Variants in DNM3 observed in about 807,000 individuals in gnomAD.
DNM3 encodes dynamin 3, also known as dynamin-3.
Under a neutral mutation model 101.6 loss-of-function variants are expected in DNM3, and 47 were observed. That is an observed-to-expected ratio of 0.46 (90% confidence interval 0.37 to 0.59). The LOEUF is 0.59. Among genes scored for constraint, DNM3 ranks in the 20% least tolerant of loss-of-function variants. The pLI, the probability that DNM3 is intolerant of heterozygous loss-of-function variation, is 0.00. For synonymous variants in DNM3, 385 were observed against 387.9 expected, an observed-to-expected ratio of 0.99 and a Z score of 0.09; for missense variants, 849 against 1,085.7, an observed-to-expected ratio of 0.78 and a Z score of 3.06.
chr1:172,164,657 C>T (rs527449802), intron 14 of DNM3, among the ~76,000 whole-genome samples: 18 of 152,078 alleles, frequency 1.2e-4, no homozygotes, highest in Non-Finnish European at 2.5e-4. Context: ...TCAGCCTTGA[C>T]CCTAAAGATG....
rs1228310474 is a variant in DNM3, at chr1:172,017,438, A to AT, written c.590-14956dup. ...AACTGTTTTTTAAGTTTCTCATAAG[A>AT]TTTTTTTTACCCATATGTTATTTAG... On this transcript the variant is annotated intron_variant, in intron 4 of 20. Transcript: ENST00000627582. 7.2e-5 allele frequency among the ~76,000 whole-genome samples: 11 copies of AT among 151,838 alleles called. No homozygotes were observed. In the East Asian group the frequency reaches 9.7e-4, roughly 13 times the overall value.
At chr1:172,281,857 T>C (rs2063503236) in intron 15 of DNM3, among the ~76,000 whole-genome samples, 1 of 152,212 alleles carries the variant, frequency 6.6e-6, no homozygotes. Flanking sequence ...ATTTGATCAT[T>C]ATACATTGAA....
chr1:172,233,516 G>A (rs565932940), intron 14 of DNM3, among the ~76,000 whole-genome samples: 97 of 152,276 alleles, frequency 6.4e-4, no homozygotes, highest in Non-Finnish European at 1.1e-3. Flanking sequence ...TAGAAAAAGA[G>A]GGAATCCTCC....
chr1:172,319,344 T>C (rs1285181275), intron 16 of DNM3, among the ~76,000 whole-genome samples: 2 of 152,018 alleles, frequency 1.3e-5, no homozygotes, highest in African/African-American at 2.4e-5. Flanking sequence ...ACTTCATGTC[T>C]AAAACACCAA....
intron 14 of DNM3, among the ~76,000 whole-genome samples, chr1:172,177,316 T>G (rs1572841548): frequency 6.6e-6 from 1 of 151,888 alleles, no homozygotes; most frequent in East Asian, 1.9e-4. Context: ...ATATTGTTAT[T>G]ATTGTTCTAT....
At chr1:171,974,335 GT>G (rs2044223835) in intron 2 of DNM3, among the ~76,000 whole-genome samples, 1 of 152,034 alleles carries the variant, frequency 6.6e-6, no homozygotes, top group Admixed American at 6.6e-5. Flanking sequence ...AAGTAAGATA[GT>G]TTTTTTCTCA....
At chr1:171,997,211 G>T (rs1217280144) in intron 4 of DNM3, among the ~76,000 whole-genome samples, 1 of 152,000 alleles carries the variant, frequency 6.6e-6, no homozygotes, top group Non-Finnish European at 1.5e-5. Flanking sequence ...TCAAACTACT[G>T]CCCACACCCA....
chr1:171,877,030 C>A (rs3753537), intron 1 of DNM3, among the ~76,000 whole-genome samples: 62,876 of 151,990 alleles, frequency 0.41, 13,172 homozygotes, highest in Non-Finnish European at 0.43. Context: ...TGTGGGCCCA[C>A]ATTATTTTTT....
At chr1:172,054,747 T>G (rs2050457915) in intron 10 of DNM3, among the ~76,000 whole-genome samples, 1 of 152,044 alleles carries the variant, frequency 6.6e-6, no homozygotes, top group Non-Finnish European at 1.5e-5. Context: ...TCACCTGAGA[T>G]CAGGAGTTCG....
chr1:172,340,528 C>A (rs545663410), intron 17 of DNM3, among the ~76,000 whole-genome samples: 2 of 152,284 alleles, frequency 1.3e-5, no homozygotes, highest in African/African-American at 4.8e-5. Context: ...TGATGGGTCA[C>A]TGACAAACAT....
chr1:171,936,412 T>A (rs2125391209), intron 2 of DNM3, among the ~76,000 whole-genome samples: 1 of 152,256 alleles, frequency 6.6e-6, no homozygotes, highest in Non-Finnish European at 1.5e-5. Flanking sequence ...AGTCTCTGGG[T>A]CAAGGTTAAG....
intron 14 of DNM3, among the ~76,000 whole-genome samples, chr1:172,184,865 T>C (rs1037643258): frequency 1.3e-5 from 2 of 152,116 alleles, no homozygotes; most frequent in East Asian, 3.9e-4. Flanking sequence ...TGAGATTTGA[T>C]CCCCTAGTTG....
At chr1:171,898,749 C>T (rs1234186349) in intron 1 of DNM3, among the ~76,000 whole-genome samples, 2 of 151,268 alleles carry the variant, frequency 1.3e-5, no homozygotes, top group African/African-American at 4.9e-5. Context: ...GGCTTGTTAG[C>T]TTTCTTTTTC....
At chr1:171,933,123 G>C (rs566390791) in intron 2 of DNM3, among the ~76,000 whole-genome samples, 10 of 152,242 alleles carry the variant, frequency 6.6e-5, no homozygotes, top group African/African-American at 2.2e-4. Flanking sequence ...TCAAAATGGG[G>C]TTTTTGCATT....
chr1:172,202,829 A>T (rs1374904915), intron 14 of DNM3, among the ~76,000 whole-genome samples: 1 of 152,154 alleles, frequency 6.6e-6, no homozygotes, highest in Non-Finnish European at 1.5e-5. Context: ...TTAATGTTGG[A>T]CTGTAGACAA....
At chr1:172,185,009 A>G (rs2059473670) in intron 14 of DNM3, among the ~76,000 whole-genome samples, 1 of 152,060 alleles carries the variant, frequency 6.6e-6, no homozygotes, top group South Asian at 2.1e-4. Context: ...ATAGAAGTAA[A>G]GTGATTTGGA....
At chr1:171,907,520 G>A (rs977707662) in intron 1 of DNM3, among the ~76,000 whole-genome samples, 2 of 151,858 alleles carry the variant, frequency 1.3e-5, no homozygotes, top group African/African-American at 4.8e-5. Flanking sequence ...AGTAAGTCAG[G>A]TCATGTTACT....
intron 1 of DNM3, among the ~76,000 whole-genome samples, chr1:171,848,083 A>G (rs183713522): frequency 6.6e-6 from 1 of 152,312 alleles, no homozygotes; most frequent in Non-Finnish European, 1.5e-5. Flanking sequence ...CAAGGTCAGA[A>G]GAAATCAGAG....
At chr1:171,844,080 T>C (rs1044898304) in intron 1 of DNM3, among the ~76,000 whole-genome samples, 1 of 152,220 alleles carries the variant, frequency 6.6e-6, no homozygotes, top group Admixed American at 6.5e-5. Flanking sequence ...CATTTGACTT[T>C]AATAAAGATT....
Sources: gnomAD v4.1 joint callset for allele counts (sites outside exome capture counted in the v4.1 genomes callset) on GRCh38, gnomAD v4.1.1 for gene constraint, MANE v1.5 for transcripts, NCBI Gene and HGNC (gene_info 2026-07-23, HGNC 2026-07-21) for gene names.